FAM13A: variants seen among roughly 807,000 people sequenced by gnomAD.
FAM13A encodes protein FAM13A.
In FAM13A, 76 loss-of-function variants were observed where a neutral mutation model predicts 129.6. The observed-to-expected ratio is 0.59, with a 90% CI of 0.49 to 0.71. The LOEUF (loss-of-function observed/expected upper bound fraction) is 0.71, where lower values mean the gene tolerates loss of function less well. FAM13A is among the 30% of genes least tolerant of loss of function. The pLI is 0.00. For missense variants in FAM13A, 1,108 were observed against 1,249.3 expected, an observed-to-expected ratio of 0.89 and a Z score of 1.70; for synonymous variants, 443 against 449.9, an observed-to-expected ratio of 0.98 and a Z score of 0.20.
At position 88,787,815 on chromosome 4, in the gene FAM13A, T is replaced by G. The variant is rs956609998; in HGVS notation, c.1209A>C (p.Thr403=). The change falls in exon 10 of 24, where the codon ACA becomes ACC. Residue 403 remains threonine (T), a synonymous_variant. Transcript: ENST00000264344. The part of the protein sequence containing the change: ...ESGTLSASSA[T]SARQRRRQSK... The stretch of plus-strand genomic sequence containing the variant: ...ACTGGCGGCGGCGCTGTCTGGCAGA[T>G]GTGGCAGAAGATGCTGATAGTGTTC... The G allele has an allele frequency of 6.2e-7, 1 of 1,613,684 alleles. No homozygotes were observed. The highest frequency in any genetic ancestry group is 1.7e-5 in the Admixed American group (1 of 59,980).
At chr4:88,921,208 A>G (rs1456627600) in intron 5 of FAM13A, among the ~76,000 whole-genome samples, 1 of 151,874 alleles carries the variant, frequency 6.6e-6, no homozygotes, top group Non-Finnish European at 1.5e-5. Flanking sequence ...GAACGCCACA[A>G]AGATACTCCT....
intron 4 of FAM13A, among the ~76,000 whole-genome samples, chr4:88,955,195 C>T (rs78148008): frequency 0.017 from 2,588 of 152,004 alleles, 75 homozygotes; most frequent in African/African-American, 0.058. Context: ...TGTAGAATTA[C>T]GTATTAATTA....
intron 4 of FAM13A, among the ~76,000 whole-genome samples, chr4:88,975,947 T>C (rs1760842273): frequency 1.3e-5 from 2 of 152,190 alleles, no homozygotes; most frequent in African/African-American, 4.8e-5. Context: ...TAACTAGTTA[T>C]ATAATTTGTG....
chr4:88,997,263 A>C (rs574939900), intron 3 of FAM13A, among the ~76,000 whole-genome samples: 1 of 152,234 alleles, frequency 6.6e-6, no homozygotes, highest in Non-Finnish European at 1.5e-5. Context: ...GATGGAAATA[A>C]TGGTTCACAA....
intron 7 of FAM13A, among the ~76,000 whole-genome samples, chr4:88,806,640 C>T (rs934516169): frequency 4.6e-5 from 7 of 152,048 alleles, no homozygotes; most frequent in Non-Finnish European, 1.0e-4. Flanking sequence ...CCCATGTTGC[C>T]AAATACCTTA....
Position 88,786,701 on chromosome 4 carries a change from T to C in FAM13A, c.1271+1052A>G, listed in dbSNP as rs1282274936. On this transcript the variant is annotated intron_variant, in intron 10 of 23. Transcript: ENST00000264344. ...ATTTCTAAAATTACATTTGCTAATA[T>C]AGCTCTTAAACATCTCGGTGAGGTA... 5.9e-5 allele frequency among the ~76,000 whole-genome samples: 9 copies of C among 152,264 alleles called. No individual in the cohort carries two copies. In the South Asian group the frequency reaches 1.5e-3, roughly 25 times the overall value.
intron 7 of FAM13A, among the ~76,000 whole-genome samples, chr4:88,840,823 A>T (rs1735685717): frequency 6.6e-6 from 1 of 152,230 alleles, no homozygotes; most frequent in African/African-American, 2.4e-5. Context: ...ATCCTAAATT[A>T]GTTTTTTGAA....
At chr4:88,943,451 ATGT>A (rs1202778335) in intron 4 of FAM13A, among the ~76,000 whole-genome samples, 1 of 152,226 alleles carries the variant, frequency 6.6e-6, no homozygotes, top group East Asian at 1.9e-4. Context: ...TTCTGTTAAA[ATGT>A]TGTACACCAC....
chr4:88,952,567 T>C (rs1033052764), intron 4 of FAM13A, among the ~76,000 whole-genome samples: 2 of 152,218 alleles, frequency 1.3e-5, no homozygotes, highest in African/African-American at 4.8e-5. Flanking sequence ...GATCATATTA[T>C]TCTTATTTTG....
chr4:88,940,946 AC>A (rs1754661242), intron 4 of FAM13A, among the ~76,000 whole-genome samples: 1 of 152,246 alleles, frequency 6.6e-6, no homozygotes, highest in African/African-American at 2.4e-5. Context: ...CAGAGAGGAT[AC>A]AAAATGAAAG....
At chr4:88,805,107 A>C in intron 7 of FAM13A, 55 bp from the exon 8 acceptor site, 1 of 929,008 alleles carries the variant, frequency 1.1e-6, no homozygotes, top group East Asian at 2.6e-5. Context: ...TGACATGTCA[A>C]TTTTACTAAA....
intron 3 of FAM13A, among the ~76,000 whole-genome samples, chr4:89,003,242 C>CTT (rs58496119): frequency 8.1e-5 from 12 of 148,848 alleles, no homozygotes; most frequent in African/African-American, 2.5e-4. Context: ...GGATAAATTA[C>CTT]TTTTTTTTTA....
At chr4:88,951,140 C>T (rs1305496097) in intron 4 of FAM13A, among the ~76,000 whole-genome samples, 1 of 152,138 alleles carries the variant, frequency 6.6e-6, no homozygotes, top group Non-Finnish European at 1.5e-5. Flanking sequence ...GGACACCTGA[C>T]CTCTCTGGAA....
chr4:88,932,498 TAG>T (rs1753191482), intron 5 of FAM13A, among the ~76,000 whole-genome samples: 1 of 152,196 alleles, frequency 6.6e-6, no homozygotes, highest in Non-Finnish European at 1.5e-5. Context: ...CTCCAGCACT[TAG>T]TACAAAGCTT....
intron 3 of FAM13A, among the ~76,000 whole-genome samples, chr4:89,006,546 G>A (rs771805827): frequency 6.6e-6 from 1 of 152,152 alleles, no homozygotes; most frequent in African/African-American, 2.4e-5. Flanking sequence ...AGCACTTTTG[G>A]GCTCCACCCC....
intron 11 of FAM13A, among the ~76,000 whole-genome samples, chr4:88,775,464 G>T (rs1721514393): frequency 6.6e-6 from 1 of 152,182 alleles, no homozygotes; most frequent in Non-Finnish European, 1.5e-5. Context: ...CCAGCACTGG[G>T]AGGCTGAGGT....
intron 3 of FAM13A, among the ~76,000 whole-genome samples, chr4:89,014,157 C>T (rs755135692): frequency 2.0e-5 from 3 of 152,094 alleles, no homozygotes; most frequent in Non-Finnish European, 2.9e-5. Flanking sequence ...AATAAAAATT[C>T]GTAGACGGTA....
At chr4:89,040,939 C>T (rs1332197271) in intron 1 of FAM13A, among the ~76,000 whole-genome samples, 1 of 152,194 alleles carries the variant, frequency 6.6e-6, no homozygotes, top group African/African-American at 2.4e-5. Context: ...CCCTCCACCT[C>T]TCTCCCATTC....
rs555069963 is a variant in FAM13A at position 88,972,101 on chromosome 4, C to T, written c.605+18872G>A. Among the ~76,000 whole-genome samples, 79 of 151,938 alleles carry T rather than the reference C, an allele frequency of 5.2e-4. 2 individuals carry two copies. In the South Asian group the frequency reaches 7.9e-3, roughly 15 times the overall value. ...TTATTATTTTGAATAAACTGTTATC[C>T]ATTAGATAAGAAAAATATTTTTTTT... On this transcript the variant is annotated intron_variant, in intron 4 of 23. Coordinates refer to ENST00000264344, the MANE Select transcript of FAM13A (RefSeq NM_014883.4).
Sources: gnomAD v4.1 joint callset for allele counts (sites outside exome capture counted in the v4.1 genomes callset) on GRCh38, gnomAD v4.1.1 for gene constraint, MANE v1.5 for transcripts, NCBI Gene and HGNC (gene_info 2026-07-23, HGNC 2026-07-21) for gene names.